Variants in SBF2 observed in about 807,000 individuals in gnomAD.
SBF2 encodes myotubularin-related protein 13.
A neutral mutation model predicts 225.2 loss-of-function variants in SBF2; 112 were observed. The ratio of observed to expected loss-of-function variants is 0.50; its 90% CI spans 0.43 to 0.58. The LOEUF (loss-of-function observed/expected upper bound fraction) is 0.58, where lower values mean the gene tolerates loss of function less well. Ranked by LOEUF, SBF2 falls within the 20% of genes least tolerant of loss-of-function variation. The probability of loss-of-function intolerance (pLI) is 0.00; values close to 1 mark genes in which losing one functional copy is unlikely to be tolerated. For missense variants in SBF2, 1,996 were observed against 2,206.2 expected (o/e 0.90, Z 1.91); for synonymous variants, 763 against 773.3 (o/e 0.99, Z 0.22).
At chr11:9,925,217 T>C (rs1863936430) in intron 16 of SBF2, among the ~76,000 whole-genome samples, 3 of 152,104 alleles carry the variant, frequency 2.0e-5, no homozygotes, top group South Asian at 4.1e-4. Context: ...ATTAAATATA[T>C]TTTATCTAAC....
chr11:9,937,444 C>G lies in SBF2; in HGVS notation c.1860+24513G>C, dbSNP rs574806792. ...AATATTTATCAGCCAATACAAATAA[C>G]AAGCAAAATGGGAACAGAAGAAAAC... is the stretch of plus-strand genomic sequence containing the variant. On this transcript the variant is annotated intron_variant, in intron 16 of 39. Transcript: ENST00000256190. Among the ~76,000 whole-genome samples, 15 of 152,154 alleles carry G rather than the reference C, an allele frequency of 9.9e-5. No individual in the cohort carries two copies. The South Asian group carries it at 2.3e-3, about 23-fold the overall frequency.
chr11:10,019,526 T>A (rs1224868267), intron 6 of SBF2, among the ~76,000 whole-genome samples: 4 of 152,190 alleles, frequency 2.6e-5, no homozygotes, highest in Non-Finnish European at 5.9e-5. Context: ...TATGTTTTTA[T>A]GATAGGAGAG....
chr11:10,076,049 T>C (rs987682405), intron 2 of SBF2, among the ~76,000 whole-genome samples: 3 of 152,190 alleles, frequency 2.0e-5, no homozygotes, highest in South Asian at 2.1e-4. Flanking sequence ...AAAAGAATAA[T>C]TGAATACTTT....
At chr11:10,077,342 C>T (rs1951160343) in intron 2 of SBF2, among the ~76,000 whole-genome samples, 1 of 152,092 alleles carries the variant, frequency 6.6e-6, no homozygotes, top group African/African-American at 2.4e-5. Flanking sequence ...CCCATATTGC[C>T]AATACAATCC....
In SBF2 at chr11:10,193,961, T is replaced by A; in HGVS notation, c.82A>T (p.Ile28Phe). The A allele has an allele frequency of 1.2e-6, 2 of 1,612,680 alleles. No homozygotes were observed. The highest frequency in any genetic ancestry group is 1.7e-6 in the Non-Finnish European group (2 of 1,178,776). Residue 28 changes from isoleucine to phenylalanine, a missense_variant, in exon 2 of 40, where the codon ATC (isoleucine) becomes TTC (phenylalanine). Ile to Phe is a conservative substitution (Grantham distance 21). Transcript: ENST00000256190. Reference protein sequence around the residue: ...PGSGEGLGKIIQRFPQKDWDD... With the variant: ...PGSGEGLGKIFQRFPQKDWDD... ...CAGTCCTTCTGTGGAAATCTCTGGA[T>A]TATTTTCCCCAGACCTTCTCCTGAT... is the stretch of plus-strand genomic sequence containing the variant.
At chr11:9,794,098 C>T (rs976132059) in intron 33 of SBF2, among the ~76,000 whole-genome samples, 15 of 152,050 alleles carry the variant, frequency 9.9e-5, no homozygotes, top group Admixed American at 8.5e-4. Context: ...TGGGATATCG[C>T]TTGAGTCCCA....
intron 16 of SBF2, among the ~76,000 whole-genome samples, chr11:9,900,636 A>G (rs1861647798): frequency 6.6e-6 from 1 of 152,164 alleles, no homozygotes; most frequent in Admixed American, 6.5e-5. Flanking sequence ...GCACCCTTCT[A>G]TAGAAGTAAC....
chr11:9,794,704 A>AAAAAAAAAAAAC (rs1853000599), intron 33 of SBF2, among the ~76,000 whole-genome samples: 1 of 146,288 alleles, frequency 6.8e-6, no homozygotes, highest in Non-Finnish European at 1.5e-5. Flanking sequence ...AAAAAAAAAA[A>AAAAAAAAAAAAC]AAAGACCAGG....
chr11:10,213,983 T>C (rs1207474001), intron 1 of SBF2, among the ~76,000 whole-genome samples: 3 of 152,240 alleles, frequency 2.0e-5, no homozygotes, highest in African/African-American at 7.2e-5. Flanking sequence ...CCTAGAGTTA[T>C]AAGACAAAAG....
chr11:9,931,798 G>A (rs1289446197), intron 16 of SBF2, among the ~76,000 whole-genome samples: 1 of 152,200 alleles, frequency 6.6e-6, no homozygotes, highest in East Asian at 1.9e-4. Context: ...GTTGACAGAA[G>A]TAGGCTTCAG....
chr11:10,002,486 A>G, intron 7 of SBF2, 71 bp downstream of exon 7: 1 of 1,247,646 alleles, frequency 8.0e-7, no homozygotes, highest in Non-Finnish European at 1.2e-6. Context: ...TTGTGCCATA[A>G]CATTATGACT....
rs540539557 is a variant in SBF2 at position 10,013,439 on chromosome 11, C to A, written c.620-10750G>T. Reference sequence around the variant, plus strand: ...ATGCTGCAGACTCCTGCTGTTTTTACACAAAGTTCTAGCATGAATAAATGT... The same window carrying A: ...ATGCTGCAGACTCCTGCTGTTTTTAAACAAAGTTCTAGCATGAATAAATGT... On this transcript the variant is annotated intron_variant, in intron 6 of 39. Coordinates refer to ENST00000256190, the MANE Select transcript of SBF2 (RefSeq NM_030962.4). Among the ~76,000 whole-genome samples, 219 of 152,316 alleles carry A rather than the reference C, an allele frequency of 1.4e-3. 1 individual carries two copies. Among genetic ancestry groups the A allele is most frequent in the Middle Eastern group, 0.01 (3 of 294 alleles).
At chr11:9,993,244 T>A in intron 10 of SBF2, 141 bp from the exon 11 acceptor site, 1 of 651,048 alleles carries the variant, frequency 1.5e-6, no homozygotes, top group Non-Finnish European at 2.7e-6. Flanking sequence ...CAACCAAACA[T>A]AAGAAGAAAA....
chr11:10,008,116 C>A (rs1948279351), intron 6 of SBF2, among the ~76,000 whole-genome samples: 1 of 152,158 alleles, frequency 6.6e-6, no homozygotes, highest in African/African-American at 2.4e-5. Flanking sequence ...CCGGTTGACT[C>A]CAATTGGGAT....
intron 2 of SBF2, among the ~76,000 whole-genome samples, chr11:10,051,258 A>T (rs1376069038): frequency 6.6e-6 from 1 of 152,126 alleles, no homozygotes; most frequent in African/African-American, 2.4e-5. Flanking sequence ...AAAGCCTGTA[A>T]GAAAATTCCT....
chr11:9,868,252 T>C (rs1163598242), intron 17 of SBF2, among the ~76,000 whole-genome samples: 1 of 147,734 alleles, frequency 6.8e-6, no homozygotes, highest in Non-Finnish European at 1.5e-5. Flanking sequence ...CCCAGCACTT[T>C]GGGAGGCTGA....
Position 10,233,397 on chromosome 11 carries a change from C to T in SBF2, c.56-39410G>A, listed in dbSNP as rs1172795941. 3.7e-4 allele frequency among the ~76,000 whole-genome samples: 56 copies of T among 151,862 alleles called. 2 individuals are homozygous for T. Among genetic ancestry groups the T allele is most frequent in the Admixed American group, 3.7e-3 (56 of 15,232 alleles). ...CTGTGTAGTCAATCCTCTCCCCTAC[C>T]CTCCCCACCAAAATCTTTGTACTGC... On this transcript the variant is annotated intron_variant, in intron 1 of 39. Transcript: ENST00000256190.
chr11:10,005,212 G>T, intron 6 of SBF2, among the ~76,000 whole-genome samples: 1 of 152,250 alleles, frequency 6.6e-6, no homozygotes, highest in East Asian at 1.9e-4. Context: ...TAGTTAAGAG[G>T]CAAAATGGCA....
intron 1 of SBF2, among the ~76,000 whole-genome samples, chr11:10,257,492 G>C (rs1327322124): frequency 6.6e-6 from 1 of 151,608 alleles, no homozygotes; most frequent in Non-Finnish European, 1.5e-5. Context: ...TAGAAACCTT[G>C]TATCTACTAA....
Sources: gnomAD v4.1 joint callset for allele counts (sites outside exome capture counted in the v4.1 genomes callset) on GRCh38, gnomAD v4.1.1 for gene constraint, MANE v1.5 for transcripts, NCBI Gene and HGNC (gene_info 2026-07-23, HGNC 2026-07-21) for gene names.